PDE4DIP: variants seen among roughly 807,000 people sequenced by gnomAD.
PDE4DIP encodes the protein phosphodiesterase 4D interacting protein, also known as myomegalin.
PDE4DIP carries 59 observed loss-of-function variants against 221.4 expected under a neutral mutation model. The observed-to-expected ratio is 0.27, with a 90% CI of 0.22 to 0.33. The LOEUF (loss-of-function observed/expected upper bound fraction) is 0.33, where lower values mean the gene tolerates loss of function less well. Among genes scored for constraint, PDE4DIP ranks in the 10% least tolerant of loss-of-function variants. The probability of loss-of-function intolerance (pLI) is 1.00; values close to 1 mark genes in which losing one functional copy is unlikely to be tolerated. For missense variants in PDE4DIP, 1,036 were observed against 2,154.2 expected (o/e 0.48, Z 10.28); for synonymous variants, 404 against 815.9 (o/e 0.50, Z 8.60).
At chr1:148,930,397 G>T (rs1573634888) in intron 2 of PDE4DIP, 1 of 151,206 alleles carries the variant, frequency 6.6e-6, no homozygotes, top group Non-Finnish European at 1.5e-5. Context: ...GTCGCCTGTA[G>T]TCCCAGCTAC....
At chr1:149,015,789 C>T (rs1261784774) in intron 32 of PDE4DIP, among the ~76,000 whole-genome samples, 1 of 151,922 alleles carries the variant, frequency 6.6e-6, no homozygotes, top group African/African-American at 2.4e-5. Context: ...ACTAGGGCCA[C>T]CATATCCAGC....
chr1:148,981,611 C>A, intron 21 of PDE4DIP: 1 of 549,528 alleles, frequency 1.8e-6, no homozygotes, highest in Non-Finnish European at 3.3e-6. Context: ...ATGGATCTCA[C>A]TGTACATACA....
chr1:148,827,244 C>CTTTTT (rs67632049), intron 1 of PDE4DIP, among the ~76,000 whole-genome samples: 11 of 34,122 alleles, frequency 3.2e-4, no homozygotes, highest in East Asian at 3.1e-3. Context: ...GTGTTATATT[C>CTTTTT]TTTTTTTTTT....
chr1:148,889,541 A>C, upstream of PDE4DIP: 1 of 805,158 alleles, frequency 1.2e-6, no homozygotes, highest in Non-Finnish European at 1.9e-6. Flanking sequence ...TAAAAAAGGA[A>C]AGTGTGCTGC....
intron 1 of PDE4DIP, among the ~76,000 whole-genome samples, chr1:148,923,894 AG>A (rs1301271887): frequency 2.7e-5 from 4 of 148,418 alleles, no homozygotes; most frequent in African/African-American, 1.0e-4. Flanking sequence ...AGGTTGTAAA[AG>A]TTGAAGTAAT....
chr1:148,934,155 C>T (rs2048664413), intron 4 of PDE4DIP, among the ~76,000 whole-genome samples: 3 of 150,886 alleles, frequency 2.0e-5, no homozygotes, highest in African/African-American at 2.4e-5. Context: ...CTCACTAAGG[C>T]ATCAATCGTC....
At chr1:148,820,614 G>A (rs1448527288) in intron 1 of PDE4DIP, among the ~76,000 whole-genome samples, 118 of 139,460 alleles carry the variant, frequency 8.5e-4, no homozygotes, top group African/African-American at 3.0e-3. Context: ...ATGACAAAAT[G>A]TCAAGTCAGA....
intron 14 of PDE4DIP, among the ~76,000 whole-genome samples, chr1:148,970,134 A>C (rs1308784106): frequency 6.6e-6 from 1 of 150,580 alleles, no homozygotes; most frequent in Non-Finnish European, 1.5e-5. Context: ...TTAGAGGAAG[A>C]TAGACTCTTT....
intron 21 of PDE4DIP, chr1:148,986,512 AAGT>A (rs2061930743): frequency 6.6e-6 from 1 of 152,230 alleles, no homozygotes; most frequent in Non-Finnish European, 1.5e-5. Context: ...TTTATAAAAA[AAGT>A]AGAGAAAGCT....
At chr1:148,961,068 A>G (rs1553509308) in intron 6 of PDE4DIP, among the ~76,000 whole-genome samples, 1 of 152,132 alleles carries the variant, frequency 6.6e-6, no homozygotes, top group African/African-American at 2.4e-5. Context: ...GTGCTTTGGG[A>G]GGCCAAGGCA....
At chr1:148,985,725 T>C (rs1162577039) in intron 21 of PDE4DIP, 1 of 152,208 alleles carries the variant, frequency 6.6e-6, no homozygotes, top group Non-Finnish European at 1.5e-5. Flanking sequence ...TTTTTTTGTT[T>C]AAAGTCAAAT....
At chr1:148,969,085 A>G in intron 14 of PDE4DIP, 55 bp downstream of exon 17, 1 of 1,365,378 alleles carries the variant, frequency 7.3e-7, no homozygotes, top group South Asian at 1.2e-5. Context: ...TATAGTCTGC[A>G]AATAGGAAGC....
chr1:149,029,015 T>A (rs1699756), intron 41 of PDE4DIP, among the ~76,000 whole-genome samples: 1 of 152,360 alleles, frequency 6.6e-6, no homozygotes, highest in Admixed American at 6.5e-5. Context: ...GTTTATTTAC[T>A]TCTCTGAAGT....
intron 5 of PDE4DIP, chr1:148,953,189 G>C: frequency 6.2e-7 from 1 of 1,614,090 alleles, no homozygotes; most frequent in Non-Finnish European, 8.5e-7. Context: ...CGCCTATTCA[G>C]GGTTTGAGTG....
chr1:148,929,488 C>G, intron 2 of PDE4DIP: 1 of 584,668 alleles, frequency 1.7e-6, no homozygotes, highest in East Asian at 3.5e-5. Flanking sequence ...GGTAAATCCA[C>G]CAGACCTAAG....
At chr1:149,011,058 G>C (rs1236298663) in intron 31 of PDE4DIP, among the ~76,000 whole-genome samples, 4 of 151,742 alleles carry the variant, frequency 2.6e-5, no homozygotes, top group African/African-American at 9.7e-5. Context: ...TCTGTTCATA[G>C]TACGTTACCA....
intron 5 of PDE4DIP, among the ~76,000 whole-genome samples, chr1:148,948,396 C>T (rs868932858): frequency 1.3e-5 from 2 of 150,466 alleles, no homozygotes; most frequent in African/African-American, 2.4e-5. Flanking sequence ...CAGTGGAACC[C>T]GGGAGGCAGA....
At chr1:148,969,926 C>G (rs868932775) in intron 14 of PDE4DIP, among the ~76,000 whole-genome samples, 2 of 152,008 alleles carry the variant, frequency 1.3e-5, no homozygotes, top group Non-Finnish European at 2.9e-5. Context: ...GGCTGGCTTA[C>G]GATTCCTGGC....
exon 44 of PDE4DIP, chr1:149,032,446 A>C (rs2152839711): frequency 2.4e-6 from 1 of 410,766 alleles, no homozygotes; most frequent in Non-Finnish European, 4.5e-6. Context: ...CACACTACTG[A>C]GCAGCGGTGC....
Sources: gnomAD v4.1 joint callset for allele counts (sites outside exome capture counted in the v4.1 genomes callset) on GRCh38, gnomAD v4.1.1 for gene constraint, MANE v1.5 for transcripts, NCBI Gene and HGNC (gene_info 2026-07-23, HGNC 2026-07-21) for gene names.